The following SLC13A3 variants were observed in gnomAD, a reference collection of about 807,000 sequenced individuals.
The protein encoded by SLC13A3 is Na(+)/dicarboxylate cotransporter 3.
A neutral mutation model predicts 59.0 loss-of-function variants in SLC13A3; 40 were observed. The observed-to-expected ratio is 0.68, with a 90% CI of 0.53 to 0.88. The LOEUF is 0.88. Among genes scored for constraint, SLC13A3 ranks in the 40% least tolerant of loss-of-function variants. The probability of loss-of-function intolerance (pLI) is 0.00; values close to 1 mark genes in which losing one functional copy is unlikely to be tolerated. For synonymous variants in SLC13A3, 317 were observed against 330.3 expected (o/e 0.96, Z 0.44); for missense variants, 699 against 783.2 (o/e 0.89, Z 1.28).
intron 1 of SLC13A3, among the ~76,000 whole-genome samples, chr20:46,650,615 A>T (rs747731273): frequency 9.2e-5 from 14 of 152,220 alleles, no homozygotes; most frequent in Non-Finnish European, 1.5e-4. Context: ...ATGGGTGGGC[A>T]CTATCATTTC....
upstream of SLC13A3, among the ~76,000 whole-genome samples, chr20:46,674,869 C>T (rs2063115262): frequency 6.6e-6 from 1 of 152,044 alleles, no homozygotes; most frequent in Non-Finnish European, 1.5e-5. Context: ...AACAAATGAG[C>T]AAGTGAATAC....
At chr20:46,630,562 G>T (rs926190284) in intron 1 of SLC13A3, among the ~76,000 whole-genome samples, 2 of 152,108 alleles carry the variant, frequency 1.3e-5, no homozygotes, top group Non-Finnish European at 2.9e-5. Flanking sequence ...GTGGGATTGT[G>T]GTCTTTCCTT....
At chr20:46,574,594 C>T (rs1456651637) in intron 10 of SLC13A3, among the ~76,000 whole-genome samples, 1 of 152,128 alleles carries the variant, frequency 6.6e-6, no homozygotes, top group African/African-American at 2.4e-5. Flanking sequence ...TTAATAATAA[C>T]ATCCATGAAC....
upstream of SLC13A3, among the ~76,000 whole-genome samples, chr20:46,653,221 A>G (rs1325079664): frequency 6.6e-6 from 1 of 152,186 alleles, no homozygotes; most frequent in Non-Finnish European, 1.5e-5. Context: ...CAGCCTCTTA[A>G]CTATATATCA....
At chr20:46,601,210 A>T (rs955983811) in intron 3 of SLC13A3, among the ~76,000 whole-genome samples, 2 of 152,150 alleles carry the variant, frequency 1.3e-5, no homozygotes, top group Admixed American at 6.5e-5. Flanking sequence ...AGACGATATG[A>T]TTTACATTTT....
At chr20:46,642,042 C>T (rs1487903773) in intron 1 of SLC13A3, among the ~76,000 whole-genome samples, 1 of 152,210 alleles carries the variant, frequency 6.6e-6, no homozygotes, top group Non-Finnish European at 1.5e-5. Flanking sequence ...ATATTGCCCA[C>T]AGTAAAGGCT....
upstream of SLC13A3, among the ~76,000 whole-genome samples, chr20:46,655,299 A>T (rs1276827183): frequency 6.6e-6 from 1 of 150,598 alleles, no homozygotes; most frequent in Middle Eastern, 3.2e-3. Context: ...ATATACACAT[A>T]TATACACACA....
intron 1 of SLC13A3, among the ~76,000 whole-genome samples, chr20:46,679,620 A>T (rs908520507): frequency 1.3e-5 from 2 of 152,156 alleles, no homozygotes; most frequent in African/African-American, 4.8e-5. Context: ...TCTCAAAAAA[A>T]AAAAGGGGGT....
chr20:46,569,632 G>A (rs429166), intron 10 of SLC13A3, among the ~76,000 whole-genome samples: 35,366 of 152,108 alleles, frequency 0.23, 4,356 homozygotes, highest in East Asian at 0.33. Context: ...CTTGGTTAGC[G>A]CCTGCCATAA....
intron 10 of SLC13A3, 100 bp from the exon 11 acceptor site, chr20:46,566,490 T>C (rs750009199): frequency 1.5e-6 from 2 of 1,361,808 alleles, no homozygotes; most frequent in Non-Finnish European, 2.0e-6. Context: ...CCATACCCCT[T>C]CCCAGATGGG....
intron 1 of SLC13A3, among the ~76,000 whole-genome samples, chr20:46,676,564 C>A (rs920093759): frequency 4.6e-5 from 7 of 151,514 alleles, no homozygotes; most frequent in Admixed American, 3.3e-4. Context: ...CCCTTTTTTT[C>A]TTTTCTTTTC....
In SLC13A3 at chr20:46,602,103, G is replaced by A. The variant is rs1356261774; in HGVS notation, c.542-2066C>T. Among the ~76,000 whole-genome samples, 4 of 152,288 alleles carry A rather than the reference G, an allele frequency of 2.6e-5. No individual in the cohort carries two copies. The East Asian group carries it at 7.7e-4, about 29-fold the overall frequency. ...AATCCCAGCTACTCAGGAGGCTAAGGCAGGAGGATTGCTTGAGCCGAGAGT... is the reference window on the plus strand; with the variant it reads ...AATCCCAGCTACTCAGGAGGCTAAGACAGGAGGATTGCTTGAGCCGAGAGT... On this transcript the variant is annotated intron_variant, in intron 3 of 12. Transcript: ENST00000279027.
At chr20:46,582,183 G>C (rs2062145566) in intron 9 of SLC13A3, among the ~76,000 whole-genome samples, 1 of 152,074 alleles carries the variant, frequency 6.6e-6, no homozygotes. Context: ...AGTGCAGTGG[G>C]TGCCATCACA....
At chr20:46,609,742 T>A (rs1226011072) in intron 3 of SLC13A3, among the ~76,000 whole-genome samples, 1 of 152,222 alleles carries the variant, frequency 6.6e-6, no homozygotes, top group Non-Finnish European at 1.5e-5. Context: ...TAATGCTCAA[T>A]GGCATGTATC....
chr20:46,665,492 A>G (rs2063057994), intron 1 of SLC13A3, among the ~76,000 whole-genome samples: 1 of 152,200 alleles, frequency 6.6e-6, no homozygotes. Flanking sequence ...ATGGAATCAT[A>G]TAATATGTGG....
At chr20:46,633,950 T>A (rs1279008498) in intron 1 of SLC13A3, among the ~76,000 whole-genome samples, 1 of 152,226 alleles carries the variant, frequency 6.6e-6, no homozygotes, top group African/African-American at 2.4e-5. Flanking sequence ...TCTCTGCCCA[T>A]GTGTGTACAT....
At chr20:46,615,125 T>C (rs141443621) in intron 1 of SLC13A3, among the ~76,000 whole-genome samples, 132 of 152,320 alleles carry the variant, frequency 8.7e-4, no homozygotes, top group Middle Eastern at 3.4e-3. Flanking sequence ...TAATGTCCTA[T>C]TATTTGCATG....
intron 6 of SLC13A3, among the ~76,000 whole-genome samples, chr20:46,592,158 G>C (rs117563623): frequency 1.3e-5 from 2 of 152,158 alleles, no homozygotes; most frequent in African/African-American, 4.8e-5. Context: ...GCTGCAATGT[G>C]CTATGATCGC....
chr20:46,620,301 C>A (rs1437336222), intron 1 of SLC13A3, among the ~76,000 whole-genome samples: 2 of 152,098 alleles, frequency 1.3e-5, no homozygotes, highest in African/African-American at 2.4e-5. Flanking sequence ...AAGGGATCTT[C>A]AAAAAGTTCA....
Sources: allele counts gnomAD v4.1 joint callset (sites outside exome capture counted in the v4.1 genomes callset), GRCh38; gene constraint gnomAD v4.1.1; transcripts MANE v1.5; gene names NCBI Gene and HGNC (gene_info 2026-07-23, HGNC 2026-07-21).